The following LIPI variants were observed in gnomAD, a reference collection of about 807,000 sequenced individuals.
LIPI encodes lipase member I.
In LIPI, 59 loss-of-function variants were observed where a neutral mutation model predicts 50.6. The observed-to-expected ratio is 1.16, with a 90% CI of 0.94 to 1.45. The LOEUF (loss-of-function observed/expected upper bound fraction) is 1.45, where lower values mean the gene tolerates loss of function less well. Ranked by LOEUF, LIPI falls within the 40% of genes most tolerant of loss-of-function variation. The pLI, the probability that LIPI is intolerant of heterozygous loss-of-function variation, is 0.00. For synonymous variants in LIPI, 203 were observed against 178.2 expected, an observed-to-expected ratio of 1.14 and a Z score of -1.11; for missense variants, 586 against 536.3, an observed-to-expected ratio of 1.09 and a Z score of -0.92.
At chr21:14,154,806 CT>C (rs897191120) in intron 7 of LIPI, among the ~76,000 whole-genome samples, 1 of 151,980 alleles carries the variant, frequency 6.6e-6, no homozygotes, top group African/African-American at 2.4e-5. Context: ...CTTGGAATAT[CT>C]AAAGCCAACA....
chr21:14,131,625 T>C (rs1454654631), intron 9 of LIPI, among the ~76,000 whole-genome samples: 2 of 152,156 alleles, frequency 1.3e-5, no homozygotes, highest in African/African-American at 2.4e-5. Context: ...GATGTGTAGA[T>C]ATCAGTAGAA....
intron 1 of LIPI, among the ~76,000 whole-genome samples, chr21:14,210,544 T>A (rs80238553): frequency 0.03 from 4,637 of 152,038 alleles, 241 homozygotes; most frequent in East Asian, 0.26. Context: ...CATCTTTTTT[T>A]AAAAAAAGGT....
At chr21:14,129,458 G>A (rs1488347859) in intron 9 of LIPI, among the ~76,000 whole-genome samples, 2 of 151,968 alleles carry the variant, frequency 1.3e-5, no homozygotes, top group African/African-American at 4.8e-5. Flanking sequence ...GTGAAAATAT[G>A]TGTTGTAATT....
At chr21:14,180,854 A>G (rs377668449) in intron 4 of LIPI, among the ~76,000 whole-genome samples, 3 of 152,318 alleles carry the variant, frequency 2.0e-5, no homozygotes, top group East Asian at 3.9e-4. Context: ...ACCCAAGTAT[A>G]GATCACCACA....
intron 4 of LIPI, among the ~76,000 whole-genome samples, chr21:14,177,865 G>C (rs554401618): frequency 6.6e-6 from 1 of 152,070 alleles, no homozygotes; most frequent in Non-Finnish European, 1.5e-5. Context: ...CCTTCCACCT[G>C]AAGAATACAT....
rs577516831 is a variant in LIPI, at chr21:14,188,567, C to CAAA, written c.432+464_432+466dup. Among the ~76,000 whole-genome samples, 127 of 65,806 alleles carry CAAA rather than the reference C, an allele frequency of 1.9e-3. 2 individuals are homozygous for CAAA. Among genetic ancestry groups the CAAA allele is most frequent in the South Asian group, 2.2e-3 (3 of 1,394 alleles). 43.2% of individuals were successfully genotyped at this position (65,806 alleles called of 152,430 possible). ...TGGGCAACAGAGTGAGAACCTGTCT[C>CAAA]AAAAAAAAAAAAAAAAAAAAAAAGA... On this transcript the variant is annotated intron_variant, in intron 2 of 9. Coordinates refer to ENST00000681601, the MANE Select transcript of LIPI (RefSeq NM_001302998.2).
chr21:14,113,095 G>A (rs1234094731), intron 9 of LIPI, among the ~76,000 whole-genome samples: 4 of 152,176 alleles, frequency 2.6e-5, no homozygotes, highest in Admixed American at 6.5e-5. Context: ...TTTAACCCCA[G>A]TAACATAACA....
chr21:14,159,544 A>G (rs2018390851), intron 7 of LIPI, among the ~76,000 whole-genome samples: 1 of 151,310 alleles, frequency 6.6e-6, no homozygotes, highest in Non-Finnish European at 1.5e-5. Context: ...GTCACATCAC[A>G]CTTTAATGGC....
chr21:14,210,759 C>T lies in LIPI; in HGVS notation c.46+41G>A, dbSNP rs1010160005. ...AATACAGACCACACTATTTTATATG[C>T]AATTTTTAAAGATAAATCAAATTAT... On this transcript the variant is annotated intron_variant, in intron 1 of 9. Coordinates refer to ENST00000681601, the MANE Select transcript of LIPI (RefSeq NM_001302998.2). 12 of 859,448 alleles carry T rather than the reference C, an allele frequency of 1.4e-5. No homozygotes were observed. The African/African-American group carries it at 2.0e-4, about 14-fold the overall frequency. The allele number at this position is 859,448 out of a possible 1,614,324, so 53.2% of individuals were successfully genotyped here.
intron 1 of LIPI, among the ~76,000 whole-genome samples, chr21:14,202,767 G>T (rs991209700): frequency 9.9e-5 from 15 of 152,048 alleles, no homozygotes; most frequent in Non-Finnish European, 1.9e-4. Context: ...CAGGACATAG[G>T]CATGGGCAAG....
chr21:14,145,854 T>C (rs1332898517), intron 8 of LIPI, among the ~76,000 whole-genome samples: 1 of 152,168 alleles, frequency 6.6e-6, no homozygotes. Flanking sequence ...CTCATATTTT[T>C]TCCTGCTCTC....
Position 14,142,726 on chromosome 21 carries a change from C to T in LIPI, c.1295+1897G>A, listed in dbSNP as rs375370070. On this transcript the variant is annotated intron_variant, in intron 9 of 9. Transcript: ENST00000681601. ...CTCAAACTCTTGGCCTCTAGTGATC[C>T]TCCCGACTTGGCCTCTGAAAATGCT... Among the ~76,000 whole-genome samples, 17 of 151,776 alleles carry T rather than the reference C, an allele frequency of 1.1e-4. No homozygotes were observed. The East Asian group carries it at 2.9e-3, about 26-fold the overall frequency.
At chr21:14,180,823 A>G (rs934301446) in intron 4 of LIPI, among the ~76,000 whole-genome samples, 6 of 152,186 alleles carry the variant, frequency 3.9e-5, no homozygotes, top group East Asian at 1.9e-4. Flanking sequence ...GCATTTACGT[A>G]TCTCACACAC....
At chr21:14,158,860 C>A (rs1384142367) in intron 7 of LIPI, among the ~76,000 whole-genome samples, 14 of 150,692 alleles carry the variant, frequency 9.3e-5, no homozygotes, top group African/African-American at 3.4e-4. Flanking sequence ...TTTTAAAAAA[C>A]CTACTGTTCA....
intron 7 of LIPI, among the ~76,000 whole-genome samples, chr21:14,155,770 A>T (rs1447222376): frequency 1.3e-5 from 2 of 152,052 alleles, no homozygotes; most frequent in African/African-American, 2.4e-5. Context: ...TCAGACAAAG[A>T]AACAGTAAAA....
At chr21:14,188,968 T>A in intron 2 of LIPI, 66 bp downstream of exon 2, 1 of 1,274,850 alleles carries the variant, frequency 7.8e-7, no homozygotes, top group African/African-American at 1.5e-5. Flanking sequence ...TGTAACACAC[T>A]GCATATTGTA....
intron 9 of LIPI, among the ~76,000 whole-genome samples, chr21:14,137,604 G>T (rs1283214664): frequency 6.6e-6 from 1 of 152,028 alleles, no homozygotes; most frequent in Non-Finnish European, 1.5e-5. Flanking sequence ...AGCCTTAAAA[G>T]GGGAAATACA....
At chr21:14,115,432 CTT>C (rs80292752) in intron 9 of LIPI, among the ~76,000 whole-genome samples, 26,981 of 152,108 alleles carry the variant, frequency 0.18, 3,102 homozygotes, top group Non-Finnish European at 0.25. Context: ...GGGGCTCAGA[CTT>C]TTCTGGACAC....
rs2018128677 is a variant in LIPI at position 14,152,458 on chromosome 21, T to C, written c.1118+115A>G. The stretch of plus-strand genomic sequence containing the variant: ...TGAGATCCTTTTAATATTTAACATT[T>C]TAAGACTCTCTAGATTAAAAAATAA... On this transcript the variant is annotated intron_variant, in intron 8 of 9. Transcript: ENST00000681601. The C allele has an allele frequency of 4.8e-6, 3 of 627,236 alleles. No individual in the cohort carries two copies. The Admixed American group carries it at 8.8e-5, about 18-fold the overall frequency. The allele number at this position is 627,236 out of a possible 1,614,324, so 38.9% of individuals were successfully genotyped here.
Sources: gnomAD v4.1 joint callset for allele counts (sites outside exome capture counted in the v4.1 genomes callset) on GRCh38, gnomAD v4.1.1 for gene constraint, MANE v1.5 for transcripts, NCBI Gene and HGNC (gene_info 2026-07-23, HGNC 2026-07-21) for gene names.